The following SOX6 variants were observed in gnomAD, a reference collection of about 807,000 sequenced individuals.
SOX6 encodes transcription factor SOX-6.
A neutral mutation model predicts 97.8 loss-of-function variants in SOX6; 11 were observed. The observed-to-expected ratio is 0.11, with a 90% CI of 0.07 to 0.19. The LOEUF (loss-of-function observed/expected upper bound fraction) is 0.19. Ranked by LOEUF, SOX6 falls within the 10% of genes least tolerant of loss-of-function variation. SOX6 has a pLI of 1.00. For missense variants in SOX6, 810 were observed against 1,039.5 expected (o/e 0.78, Z 3.04); for synonymous variants, 360 against 371.4 (o/e 0.97, Z 0.35).
At chr11:16,221,613 T>A (rs1250309212) in intron 4 of SOX6, among the ~76,000 whole-genome samples, 2 of 152,118 alleles carry the variant, frequency 1.3e-5, no homozygotes, top group African/African-American at 4.8e-5. Context: ...AAGTGAGGCT[T>A]GTCACTTCAA....
chr11:15,999,112 A>C (rs1854322547), intron 13 of SOX6, among the ~76,000 whole-genome samples: 1 of 152,270 alleles, frequency 6.6e-6, no homozygotes, highest in Non-Finnish European at 1.5e-5. Flanking sequence ...ATTTTACAAA[A>C]AAGGATATAG....
intron 4 of SOX6, among the ~76,000 whole-genome samples, chr11:16,539,237 C>CGAAAT (rs1861362572): frequency 3.3e-5 from 5 of 150,220 alleles, no homozygotes; most frequent in East Asian, 1.9e-4. Flanking sequence ...GGGTAAATAA[C>CGAAAT]GAAGGCAGAA....
At chr11:16,287,298 T>TCACACACA (rs371413164) in intron 3 of SOX6, among the ~76,000 whole-genome samples, 22 of 123,434 alleles carry the variant, frequency 1.8e-4, no homozygotes, top group African/African-American at 5.2e-4. Context: ...TCTCTCTCTC[T>TCACACACA]CACACACACA....
At chr11:16,265,439 C>A (rs1276596309) in intron 3 of SOX6, among the ~76,000 whole-genome samples, 1 of 151,512 alleles carries the variant, frequency 6.6e-6, no homozygotes, top group African/African-American at 2.4e-5. Flanking sequence ...AAAACAATAC[C>A]CTAAAGGATC....
chr11:16,548,330 G>T (rs911081876), intron 4 of SOX6, among the ~76,000 whole-genome samples: 18 of 152,246 alleles, frequency 1.2e-4, no homozygotes, highest in African/African-American at 4.1e-4. Flanking sequence ...TCAAAAGAAT[G>T]AAGAGTGTTA....
chr11:16,052,180 A>C (rs945397492), intron 10 of SOX6, among the ~76,000 whole-genome samples: 18 of 152,216 alleles, frequency 1.2e-4, no homozygotes, highest in South Asian at 2.1e-4. Context: ...ACTTTAACCA[A>C]TAATACCACT....
intron 4 of SOX6, among the ~76,000 whole-genome samples, chr11:16,559,992 A>G (rs1014633008): frequency 1.3e-5 from 2 of 151,986 alleles, no homozygotes; most frequent in African/African-American, 4.8e-5. Flanking sequence ...GAGGGCCAAG[A>G]AAAAAAAGGG....
chr11:16,096,184 A>G, intron 8 of SOX6, 66 bp from the exon 9 acceptor site: 1 of 1,561,072 alleles, frequency 6.4e-7, no homozygotes, highest in Non-Finnish European at 8.8e-7. Context: ...CATGAAACAG[A>G]ATACATATTT....
At chr11:16,194,735 G>A (rs987222704) in intron 4 of SOX6, among the ~76,000 whole-genome samples, 6 of 152,166 alleles carry the variant, frequency 3.9e-5, no homozygotes, top group Non-Finnish European at 1.5e-5. Flanking sequence ...TGGATCAACT[G>A]AGGTCTATTC....
intron 4 of SOX6, among the ~76,000 whole-genome samples, chr11:16,611,549 T>C (rs1848398556): frequency 6.6e-6 from 1 of 152,208 alleles, no homozygotes; most frequent in East Asian, 1.9e-4. Context: ...ATTGGTTTCC[T>C]TAAACGGGAT....
intron 13 of SOX6, among the ~76,000 whole-genome samples, chr11:16,001,002 G>A (rs916681852): frequency 6.6e-6 from 1 of 151,656 alleles, no homozygotes; most frequent in South Asian, 2.1e-4. Flanking sequence ...AATTACAGAT[G>A]TGAGCCACTG....
chr11:16,084,239 C>T (rs949565254), intron 9 of SOX6, among the ~76,000 whole-genome samples: 2 of 152,054 alleles, frequency 1.3e-5, no homozygotes, highest in African/African-American at 4.8e-5. Flanking sequence ...CATACACACA[C>T]ATCTCAAATG....
chr11:16,478,101 T>C (rs1860286842), upstream of SOX6, among the ~76,000 whole-genome samples: 1 of 152,234 alleles, frequency 6.6e-6, no homozygotes, highest in Admixed American at 6.5e-5. Flanking sequence ...GAGTTATAAA[T>C]TATAATTTCC....
intron 12 of SOX6, among the ~76,000 whole-genome samples, chr11:16,027,118 C>T (rs1315608739): frequency 2.0e-5 from 3 of 152,034 alleles, no homozygotes; most frequent in Non-Finnish European, 4.4e-5. Flanking sequence ...AAATAAGATA[C>T]AAATTAAGAA....
chr11:16,298,951 C>A (rs1408024780), intron 3 of SOX6, among the ~76,000 whole-genome samples: 2 of 151,948 alleles, frequency 1.3e-5, no homozygotes. Context: ...ACAAGAATTG[C>A]GTTTGCTGGA....
chr11:16,104,930 A>T (rs1849040649), intron 7 of SOX6, among the ~76,000 whole-genome samples: 2 of 152,094 alleles, frequency 1.3e-5, no homozygotes, highest in Admixed American at 6.6e-5. Flanking sequence ...GCTCTGGCCT[A>T]GATGGCTTTA....
At chr11:16,490,324 A>T (rs773454382) in intron 4 of SOX6, among the ~76,000 whole-genome samples, 1 of 151,898 alleles carries the variant, frequency 6.6e-6, no homozygotes, top group Non-Finnish European at 1.5e-5. Context: ...AGACTCCCCA[A>T]CTGGAGATAT....
chr11:16,488,758 G>A (rs1590221060), intron 4 of SOX6, among the ~76,000 whole-genome samples: 1 of 152,246 alleles, frequency 6.6e-6, no homozygotes, highest in Non-Finnish European at 1.5e-5. Context: ...GGATCACGTG[G>A]AGAGATCCTG....
intron 2 of SOX6, among the ~76,000 whole-genome samples, chr11:16,330,624 G>A (rs1856259997): frequency 1.3e-5 from 2 of 152,090 alleles, no homozygotes; most frequent in Admixed American, 1.3e-4. Context: ...ACTCTAGACA[G>A]TTATTTTCAT....
Sources: allele counts gnomAD v4.1 joint callset (sites outside exome capture counted in the v4.1 genomes callset), GRCh38; gene constraint gnomAD v4.1.1; transcripts MANE v1.5; gene names NCBI Gene and HGNC (gene_info 2026-07-23, HGNC 2026-07-21).